CELF2: variants seen among roughly 807,000 people sequenced by gnomAD.
CELF2 encodes the protein CUGBP Elav-like family member 2.
Under a neutral mutation model 62.6 loss-of-function variants are expected in CELF2, and 8 were observed. The observed-to-expected ratio is 0.13, with a 90% CI of 0.07 to 0.23. The LOEUF is 0.23. CELF2 is among the 10% of genes least tolerant of loss of function. The probability of loss-of-function intolerance (pLI) is 1.00; values close to 1 mark genes in which losing one functional copy is unlikely to be tolerated. For synonymous variants in CELF2, 258 were observed against 250.0 expected (o/e 1.03, Z -0.30); for missense variants, 333 against 671.0 (o/e 0.50, Z 5.56).
At chr10:10,771,275 T>G in the CELF2 span, among the ~76,000 whole-genome samples, 1 of 152,142 alleles carries the variant, frequency 6.6e-6, no homozygotes, top group African/African-American at 2.4e-5. Context: ...TCTCTGAGAC[T>G]GAGAAATAGA....
At chr10:11,109,064 C>G (rs1338653615) in intron 1 of CELF2, among the ~76,000 whole-genome samples, 1 of 152,176 alleles carries the variant, frequency 6.6e-6, no homozygotes, top group African/African-American at 2.4e-5. Context: ...CCCAAGCTAT[C>G]AAGGATATTT....
At chr10:10,710,425 GA>G in the CELF2 span, among the ~76,000 whole-genome samples, 1 of 152,212 alleles carries the variant, frequency 6.6e-6, no homozygotes, top group African/African-American at 2.4e-5. Context: ...AGGGAAACCA[GA>G]AGCAGTTTAA....
At chr10:11,232,245 A>G (rs2069005180) in intron 3 of CELF2, among the ~76,000 whole-genome samples, 2 of 151,146 alleles carry the variant, frequency 1.3e-5, no homozygotes, top group South Asian at 4.2e-4. Flanking sequence ...TTTCATTCTC[A>G]CATTCCTGTA....
chr10:10,503,205 G>A, the CELF2 span, among the ~76,000 whole-genome samples: 1 of 151,944 alleles, frequency 6.6e-6, no homozygotes, highest in African/African-American at 2.4e-5. Context: ...TTCTGCTATT[G>A]CTGAGTGGGA....
At chr10:10,762,730 T>C in the CELF2 span, among the ~76,000 whole-genome samples, 1 of 152,030 alleles carries the variant, frequency 6.6e-6, no homozygotes, top group Non-Finnish European at 1.5e-5. Flanking sequence ...TCCAGAAGGA[T>C]ACAGCAAAGA....
intron 1 of CELF2, among the ~76,000 whole-genome samples, chr10:10,870,926 C>T (rs2060701352): frequency 6.6e-6 from 1 of 152,190 alleles, no homozygotes; most frequent in South Asian, 2.1e-4. Flanking sequence ...CATTACCGGA[C>T]TCACTAACGC....
At chr10:10,908,380 C>T (rs561097819) in intron 1 of CELF2, among the ~76,000 whole-genome samples, 6 of 151,770 alleles carry the variant, frequency 4.0e-5, no homozygotes, top group East Asian at 1.9e-4. Context: ...CCACCACGCC[C>T]GGCTAATTTT....
intron 1 of CELF2, among the ~76,000 whole-genome samples, chr10:10,897,854 G>A (rs969536741): frequency 6.6e-6 from 1 of 152,182 alleles, no homozygotes; most frequent in Non-Finnish European, 1.5e-5. Flanking sequence ...CAGGCTGATA[G>A]AACTGCTCAA....
chr10:10,618,019 C>T, the CELF2 span, among the ~76,000 whole-genome samples: 1 of 152,028 alleles, frequency 6.6e-6, no homozygotes, highest in Non-Finnish European at 1.5e-5. Context: ...GAACTCTTAT[C>T]AGCTTAATAC....
At chr10:10,961,967 G>T (rs2049555997) in intron 2 of CELF2, among the ~76,000 whole-genome samples, 1 of 151,806 alleles carries the variant, frequency 6.6e-6, no homozygotes, top group African/African-American at 2.4e-5. Context: ...GGTGACTCAT[G>T]CTTGTAATGC....
At chr10:10,632,757 G>A in the CELF2 span, among the ~76,000 whole-genome samples, 2 of 152,092 alleles carry the variant, frequency 1.3e-5, no homozygotes, top group African/African-American at 4.8e-5. Flanking sequence ...AGAAAGGTAG[G>A]TCCTCTTCTT....
At chr10:11,197,099 G>A (rs1275763216) in intron 2 of CELF2, among the ~76,000 whole-genome samples, 3 of 143,582 alleles carry the variant, frequency 2.1e-5, no homozygotes, top group African/African-American at 7.7e-5. Context: ...AGAAAGAAGG[G>A]TTCCCATTGT....
chr10:10,636,331 T>C, the CELF2 span, among the ~76,000 whole-genome samples: 1 of 152,182 alleles, frequency 6.6e-6, no homozygotes, highest in Non-Finnish European at 1.5e-5. Flanking sequence ...TTAACACGAG[T>C]TTAACTATAT....
chr10:11,229,474 G>A (rs1057346610), intron 3 of CELF2, among the ~76,000 whole-genome samples: 6 of 152,136 alleles, frequency 3.9e-5, no homozygotes, highest in South Asian at 2.1e-4. Context: ...ATATAAAACC[G>A]GGGCAGTGAT....
rs550612777 is a variant in CELF2 at position 11,156,404 on chromosome 10, G to T, written c.75-9082G>T. ...AGGATGTGCTGAGACCATCCTCACC[G>T]TCCAGACGAGGCCTTCCCTGACCAC... On this transcript the variant is annotated intron_variant, in intron 1 of 12. Coordinates refer to ENST00000633077, the MANE Select transcript of CELF2 (RefSeq NM_001326342.2). This position sits in a 1 kb window ranked among gnomAD's most constrained non-coding sequence, Gnocchi z 4.3. 6.6e-6 allele frequency among the ~76,000 whole-genome samples: 1 copy of T among 152,092 alleles called. No homozygotes were observed. Among genetic ancestry groups the T allele is most frequent in the African/African-American group, 2.4e-5 (1 of 41,400 alleles).
At chr10:10,636,003 G>T in the CELF2 span, among the ~76,000 whole-genome samples, 2 of 152,086 alleles carry the variant, frequency 1.3e-5, no homozygotes, top group East Asian at 3.9e-4. Context: ...AAATATATGT[G>T]ATAAATATCA....
the CELF2 span, among the ~76,000 whole-genome samples, chr10:10,587,254 T>C: frequency 1.3e-5 from 2 of 152,206 alleles, no homozygotes; most frequent in Non-Finnish European, 2.9e-5. Flanking sequence ...TATCAAAAAT[T>C]ACATGCAACA....
intron 2 of CELF2, among the ~76,000 whole-genome samples, chr10:11,176,639 C>A (rs1024307594): frequency 6.6e-6 from 1 of 152,192 alleles, no homozygotes; most frequent in African/African-American, 2.4e-5. Flanking sequence ...ATGGTGGAAA[C>A]TGAATAAAGG....
intron 1 of CELF2, among the ~76,000 whole-genome samples, chr10:10,882,994 T>C (rs2061529428): frequency 1.3e-5 from 2 of 152,338 alleles, no homozygotes; most frequent in Middle Eastern, 3.4e-3. Flanking sequence ...ATTGTCATTC[T>C]TCCTGTCTCT....
Sources: allele counts gnomAD v4.1 joint callset (sites outside exome capture counted in the v4.1 genomes callset), GRCh38; gene constraint gnomAD v4.1.1; non-coding constraint Gnocchi (gnomAD v3.1); transcripts MANE v1.5; gene names NCBI Gene and HGNC (gene_info 2026-07-23, HGNC 2026-07-21).